RNF32: variants seen among roughly 807,000 people sequenced by gnomAD.
RNF32 encodes ring finger protein 32.
A neutral mutation model predicts 41.0 loss-of-function variants in RNF32; 36 were observed. The observed-to-expected ratio is 0.88, with a 90% confidence interval of 0.67 to 1.16. The LOEUF (loss-of-function observed/expected upper bound fraction) is 1.16, where lower values mean the gene tolerates loss of function less well. Among genes scored for constraint, RNF32 ranks in the 50% most tolerant of loss-of-function variants. The probability of loss-of-function intolerance (pLI) is 0.00; values close to 1 mark genes in which losing one functional copy is unlikely to be tolerated. For missense variants in RNF32, 413 were observed against 436.7 expected (o/e 0.95, Z 0.48); for synonymous variants, 154 against 160.9 (o/e 0.96, Z 0.32).
chr7:156,670,051 T>C lies in RNF32; in HGVS notation c.685-5645T>C, dbSNP rs113246555. Among the ~76,000 whole-genome samples the C allele has an allele frequency of 4.4e-3, 677 of 152,354 alleles. 3 individuals are homozygous for C. The highest frequency in any genetic ancestry group is 0.024 in the Middle Eastern group (7 of 294). The stretch of plus-strand genomic sequence containing the variant: ...CATGTAGTTTTTTTTATTTGCTGTT[T>C]ATTTAATGTTATTCTAAGAAAAAAT... On this transcript the variant is annotated intron_variant, in intron 7 of 8. Coordinates refer to ENST00000317955, the MANE Select transcript of RNF32 (RefSeq NM_030936.4). This position sits in a 1 kb window ranked among gnomAD's most constrained non-coding sequence, Gnocchi z 4.3.
At chr7:156,644,031 G>A in intron 2 of RNF32, 139 bp downstream of exon 2, 1 of 718,642 alleles carries the variant, frequency 1.4e-6, no homozygotes, top group Non-Finnish European at 2.4e-6. Flanking sequence ...GATGCCAAGT[G>A]TCGCATGGGG....
At chr7:156,668,156 G>A (rs1486480147) in intron 7 of RNF32, among the ~76,000 whole-genome samples, 1 of 152,202 alleles carries the variant, frequency 6.6e-6, no homozygotes, top group Non-Finnish European at 1.5e-5. Context: ...CATTCAAGGA[G>A]ATAAGCAGTG....
chr7:156,668,930 C>T (rs975185643), intron 7 of RNF32: 2 of 152,158 alleles, frequency 1.3e-5, no homozygotes, highest in African/African-American at 2.4e-5. Context: ...ACCACCATTA[C>T]ATATAAAGGG....
chr7:156,673,340 A>G (rs1414089957), intron 7 of RNF32, among the ~76,000 whole-genome samples: 1 of 152,250 alleles, frequency 6.6e-6, no homozygotes, highest in Non-Finnish European at 1.5e-5. Context: ...GTAACTGTGT[A>G]TATTTCCAAG....
chr7:156,640,576 G>C, upstream of RNF32: 1 of 404,680 alleles, frequency 2.5e-6, no homozygotes, highest in Non-Finnish European at 4.9e-6. Context: ...GCGGGGGCCG[G>C]CGAGCATGCG....
At chr7:156,640,333 G>A (rs1028911794), upstream of RNF32, 4 of 451,054 alleles carry the variant, frequency 8.9e-6, no homozygotes, top group Non-Finnish European at 4.4e-6. Flanking sequence ...CCCAGGCCCA[G>A]GTGGGCGGGC....
intron 5 of RNF32, among the ~76,000 whole-genome samples, 199 bp from the exon 6 acceptor site, chr7:156,657,929 T>G (rs1799975205): frequency 6.6e-6 from 1 of 152,190 alleles, no homozygotes; most frequent in Non-Finnish European, 1.5e-5. Context: ...TATATTCTTG[T>G]AAGAAATCAT....
chr7:156,677,016 TA>T lies in RNF32; in HGVS notation c.*363del, dbSNP rs148037389. ...TCCTTAAGTTCCAAATGTTTTCCGC[TA>T]ATAGTCTGTCCTAAAGCCTTTGCCA... On this transcript the variant is annotated 3_prime_UTR_variant, in exon 9 of 9. Transcript: ENST00000317955. The T allele has an allele frequency of 0.015, 3,137 of 208,662 alleles. 48 individuals carry two copies. The highest frequency in any genetic ancestry group is 0.024 in the Non-Finnish European group (2,406 of 101,514). 12.9% of individuals were successfully genotyped at this position (208,662 alleles called of 1,614,324 possible). A position where few individuals can be genotyped will look rare whatever the true frequency, so the allele number is the denominator to read the frequency against.
At chr7:156,660,336 A>G in intron 7 of RNF32, 1 of 967,382 alleles carries the variant, frequency 1.0e-6, no homozygotes, top group Non-Finnish European at 1.2e-6. Flanking sequence ...GAACAGAAGT[A>G]TGAATGCTAT....
chr7:156,661,802 A>T (rs1009892205), intron 7 of RNF32, among the ~76,000 whole-genome samples: 3 of 152,244 alleles, frequency 2.0e-5, no homozygotes, highest in African/African-American at 4.8e-5. Context: ...GATGGGTTGT[A>T]GATATCAGCA....
Position 156,643,809 on chromosome 7 carries a change from T to C in RNF32, c.-69T>C, listed in dbSNP as rs182668354. 2.1e-6 allele frequency: 3 copies of C among 1,412,230 alleles called. No individual in the cohort carries two copies. Among genetic ancestry groups the C allele is most frequent in the South Asian group, 2.3e-5 (2 of 85,872 alleles). 87.5% of individuals were successfully genotyped at this position (1,412,230 alleles called of 1,614,324 possible). ...TGACCACGTCTTTGCAGCAGAAGAA[T>C]AGAAGGAAGGTGATAGGATGTGATG... is the stretch of plus-strand genomic sequence containing the variant. On this transcript the variant is annotated 5_prime_UTR_variant, in exon 2 of 9. Coordinates refer to ENST00000317955, the MANE Select transcript of RNF32 (RefSeq NM_030936.4).
chr7:156,668,355 C>T (rs1801690102), intron 7 of RNF32, among the ~76,000 whole-genome samples: 1 of 152,158 alleles, frequency 6.6e-6, no homozygotes, highest in African/African-American at 2.4e-5. Context: ...ACTGAGTCAA[C>T]AAGTTTGGCC....
At chr7:156,660,358 T>G in intron 7 of RNF32, 1 of 930,548 alleles carries the variant, frequency 1.1e-6, no homozygotes, top group Non-Finnish European at 1.3e-6. Context: ...CTAGCTTGTA[T>G]ATTACAAATG....
In RNF32 at chr7:156,654,645, A is replaced by G; in HGVS notation, c.344A>G (p.Gln115Arg). The G allele has an allele frequency of 1.9e-6, 3 of 1,614,052 alleles. No individual in the cohort carries two copies. ...TCAGATGAATGGGAGAAGGTGAAAC[A>G]GCGCTCTCTCCTGCAAGGGGACTCC... ...LSSDEWEKVKQRSLLQGDSVQ... is the reference protein window; with the variant it reads ...LSSDEWEKVKRRSLLQGDSVQ... The change falls in exon 4 of 9, where the codon CAG becomes CGG. Residue 115 changes from glutamine to arginine, a missense_variant. Transcript: ENST00000317955.
intron 7 of RNF32, chr7:156,659,795 C>A: frequency 1.4e-6 from 1 of 697,572 alleles, no homozygotes; most frequent in Non-Finnish European, 1.8e-6. Context: ...GTAAAGTAGC[C>A]AGTGAAGGTT....
At chr7:156,664,008 CAG>C (rs1203924903) in intron 7 of RNF32, among the ~76,000 whole-genome samples, 8 of 152,178 alleles carry the variant, frequency 5.3e-5, no homozygotes, top group Non-Finnish European at 2.9e-5. Flanking sequence ...CTTTGTTAGT[CAG>C]GGGAGATAAC....
chr7:156,649,369 GT>G (rs780879317), intron 3 of RNF32, among the ~76,000 whole-genome samples: 3 of 151,958 alleles, frequency 2.0e-5, no homozygotes, highest in Admixed American at 6.5e-5. Context: ...CTTATTGTCT[GT>G]GCCTCTCTAC....
intron 7 of RNF32, among the ~76,000 whole-genome samples, chr7:156,662,112 CAGTAGGT>C (rs945969795): frequency 2.0e-5 from 3 of 152,150 alleles, no homozygotes; most frequent in African/African-American, 7.2e-5. Context: ...AGTGTATTAG[CAGTAGGT>C]AGTAGGTGCC....
intron 1 of RNF32, among the ~76,000 whole-genome samples, chr7:156,641,923 C>G (rs1797389503): frequency 6.6e-6 from 1 of 152,184 alleles, no homozygotes; most frequent in Non-Finnish European, 1.5e-5. Context: ...GTAGTAAGAA[C>G]CATCATCAAA....
Sources: gnomAD v4.1 joint callset for allele counts (sites outside exome capture counted in the v4.1 genomes callset) on GRCh38, gnomAD v4.1.1 for gene constraint, Gnocchi (gnomAD v3.1) non-coding constraint, MANE v1.5 for transcripts, NCBI Gene and HGNC (gene_info 2026-07-23, HGNC 2026-07-21) for gene names.